SLC24A2: variants seen among roughly 807,000 people sequenced by gnomAD.
The protein encoded by SLC24A2 is sodium/potassium/calcium exchanger 2.
Under a neutral mutation model 62.0 loss-of-function variants are expected in SLC24A2, and 36 were observed. The ratio of observed to expected loss-of-function variants is 0.58; its 90% CI spans 0.44 to 0.77. The LOEUF (loss-of-function observed/expected upper bound fraction) is 0.77. SLC24A2 is among the 30% of genes least tolerant of loss of function. The pLI is 0.00. For synonymous variants in SLC24A2, 358 were observed against 294.0 expected, an observed-to-expected ratio of 1.22 and a Z score of -2.23; for missense variants, 846 against 817.9, an observed-to-expected ratio of 1.03 and a Z score of -0.42.
the SLC24A2 span, among the ~76,000 whole-genome samples, chr9:20,294,998 C>G: frequency 6.6e-6 from 1 of 151,120 alleles, no homozygotes; most frequent in Non-Finnish European, 1.5e-5. Context: ...AAGATAAAAC[C>G]ACAAAACATA....
At chr9:20,261,645 C>T in the SLC24A2 span, among the ~76,000 whole-genome samples, 1 of 150,600 alleles carries the variant, frequency 6.6e-6, no homozygotes, top group Admixed American at 6.6e-5. Flanking sequence ...ACTATCATAA[C>T]TGTATTTTCA....
rs1369139003 is a variant in SLC24A2 at position 19,786,953 on chromosome 9, C to G, written c.-87G>C. Reference sequence around the variant, plus strand: ...ATACTTTTCCTTACTTTATAGTTAACGATGCTTGTGGGGTACTTTCACAAT... The same window carrying G: ...ATACTTTTCCTTACTTTATAGTTAAGGATGCTTGTGGGGTACTTTCACAAT... On this transcript the variant is annotated 5_prime_UTR_variant, in exon 2 of 11. Transcript: ENST00000341998. This position sits in a 1 kb window ranked among gnomAD's most constrained non-coding sequence, Gnocchi z 5.0. 1 of 1,550,890 alleles carries G rather than the reference C, an allele frequency of 6.4e-7. No homozygotes were observed. The highest frequency in any genetic ancestry group is 2.3e-5 in the East Asian group (1 of 44,372).
chr9:19,516,713 C>T (rs1342494570), intron 10 of SLC24A2, among the ~76,000 whole-genome samples: 1 of 152,036 alleles, frequency 6.6e-6, no homozygotes, highest in East Asian at 1.9e-4. Flanking sequence ...TGTTTCCTTC[C>T]TAGTTGAGAT....
chr9:19,877,172 G>T, the SLC24A2 span, among the ~76,000 whole-genome samples: 1 of 151,278 alleles, frequency 6.6e-6, no homozygotes, highest in Non-Finnish European at 1.5e-5. Flanking sequence ...TTGGGCCCCA[G>T]TGAGGGCTGG....
chr9:20,130,111 C>G, the SLC24A2 span, among the ~76,000 whole-genome samples: 1 of 152,000 alleles, frequency 6.6e-6, no homozygotes, highest in South Asian at 2.1e-4. Context: ...ACCCAGTTCT[C>G]CTGTGTATAA....
chr9:20,274,916 C>A, the SLC24A2 span, among the ~76,000 whole-genome samples: 1 of 152,102 alleles, frequency 6.6e-6, no homozygotes, highest in Non-Finnish European at 1.5e-5. Flanking sequence ...ACTGTCTAGC[C>A]GGAAGAGGTG....
At chr9:20,140,824 C>A in the SLC24A2 span, among the ~76,000 whole-genome samples, 1 of 152,188 alleles carries the variant, frequency 6.6e-6, no homozygotes, top group Admixed American at 6.5e-5. Context: ...CTGCTGCTAA[C>A]TTGCAAATAT....
chr9:20,235,868 G>A, the SLC24A2 span, among the ~76,000 whole-genome samples: 1 of 151,446 alleles, frequency 6.6e-6, no homozygotes, highest in East Asian at 1.9e-4. Context: ...CGGCCTTCTT[G>A]GCTCCAGGCT....
the SLC24A2 span, among the ~76,000 whole-genome samples, chr9:19,869,039 T>C: frequency 3.3e-3 from 503 of 152,258 alleles, 1 homozygote; most frequent in African/African-American, 0.012. Context: ...TGGAGTGCAG[T>C]GGCAGGAACA....
At chr9:19,781,558 T>C (rs960218082) in intron 2 of SLC24A2, among the ~76,000 whole-genome samples, 1 of 152,112 alleles carries the variant, frequency 6.6e-6, no homozygotes, top group African/African-American at 2.4e-5. Flanking sequence ...ACTCTCTGAA[T>C]CACAAGCAGT....
intron 5 of SLC24A2, among the ~76,000 whole-genome samples, chr9:19,584,575 A>T (rs1355685232): frequency 2.0e-5 from 3 of 152,200 alleles, no homozygotes; most frequent in Admixed American, 2.0e-4. Flanking sequence ...TTACTGGAAC[A>T]GTTAATTTAC....
intron 9 of SLC24A2, among the ~76,000 whole-genome samples, chr9:19,523,341 C>G (rs554322984): frequency 6.6e-6 from 1 of 152,266 alleles, no homozygotes; most frequent in East Asian, 1.9e-4. Flanking sequence ...TCAGTCTTTC[C>G]TATCTGTAAA....
chr9:20,242,866 A>T, the SLC24A2 span, among the ~76,000 whole-genome samples: 1 of 152,152 alleles, frequency 6.6e-6, no homozygotes, highest in East Asian at 1.9e-4. Flanking sequence ...CAGCGAGGCA[A>T]TCTATGCAAA....
chr9:19,993,605 G>A, the SLC24A2 span, among the ~76,000 whole-genome samples: 5 of 152,124 alleles, frequency 3.3e-5, no homozygotes, highest in Non-Finnish European at 5.9e-5. Context: ...TCAGGGCAGC[G>A]TGCCACATTA....
At chr9:19,785,095 C>T (rs1823123202) in intron 2 of SLC24A2, among the ~76,000 whole-genome samples, 1 of 152,120 alleles carries the variant, frequency 6.6e-6, no homozygotes, top group African/African-American at 2.4e-5. Flanking sequence ...AATCAGAACT[C>T]CATTACAATA....
intron 7 of SLC24A2, among the ~76,000 whole-genome samples, chr9:19,562,643 T>C (rs1267709142): frequency 6.6e-6 from 1 of 152,130 alleles, no homozygotes; most frequent in African/African-American, 2.4e-5. Context: ...TATGTACAGA[T>C]GACAGAAAAA....
the SLC24A2 span, among the ~76,000 whole-genome samples, chr9:19,900,009 T>C: frequency 5.3e-5 from 8 of 152,156 alleles, no homozygotes; most frequent in East Asian, 1.9e-4. Flanking sequence ...TATATGACTA[T>C]TGTACCCTGA....
the SLC24A2 span, among the ~76,000 whole-genome samples, chr9:20,018,482 C>G: frequency 6.6e-6 from 1 of 152,174 alleles, no homozygotes; most frequent in African/African-American, 2.4e-5. Flanking sequence ...CTCCACCTCC[C>G]ATGCTGTTGC....
chr9:19,515,824 G>A lies in SLC24A2; in HGVS notation c.*329C>T, dbSNP rs188555464. ...TCATGTGCGTATATTTATAATATGT[G>A]TATTTATAGATATATATAGCCTGTG... On this transcript the variant is annotated 3_prime_UTR_variant, in exon 11 of 11. Coordinates refer to ENST00000341998, the MANE Select transcript of SLC24A2 (RefSeq NM_020344.4). 834 of 359,970 alleles carry A rather than the reference G, an allele frequency of 2.3e-3. 3 individuals carry two copies. The highest frequency in any genetic ancestry group is 3.8e-3 in the Non-Finnish European group (713 of 185,740). The allele number at this position is 359,970 out of a possible 1,614,324, so 22.3% of individuals were successfully genotyped here.
Sources: allele counts gnomAD v4.1 joint callset (sites outside exome capture counted in the v4.1 genomes callset), GRCh38; gene constraint gnomAD v4.1.1; non-coding constraint Gnocchi (gnomAD v3.1); transcripts MANE v1.5; gene names NCBI Gene and HGNC (gene_info 2026-07-23, HGNC 2026-07-21).